Variants in DMTN observed in about 807,000 individuals in gnomAD.
The protein encoded by DMTN is dematin actin binding protein, also known as dematin.
In DMTN, 27 loss-of-function variants were observed where a neutral mutation model predicts 59.4. The observed-to-expected ratio is 0.45, with a 90% confidence interval of 0.33 to 0.63. The LOEUF (loss-of-function observed/expected upper bound fraction) is 0.63, where lower values mean the gene tolerates loss of function less well. Ranked by LOEUF, DMTN falls within the 20% of genes least tolerant of loss-of-function variation. The pLI is 0.02. For missense variants in DMTN, 451 were observed against 528.9 expected, an observed-to-expected ratio of 0.85 and a Z score of 1.45; for synonymous variants, 221 against 203.7, an observed-to-expected ratio of 1.08 and a Z score of -0.72.
intron 8 of DMTN, 147 bp downstream of exon 8, chr8:22,070,481 C>T: frequency 1.0e-6 from 1 of 990,854 alleles, no homozygotes; most frequent in South Asian, 2.3e-5. Flanking sequence ...AGCCCCCAGG[C>T]TCCTTGCTCA....
upstream of DMTN, among the ~76,000 whole-genome samples, chr8:22,051,106 G>A (rs1215120101): frequency 6.6e-6 from 1 of 152,166 alleles, no homozygotes. Flanking sequence ...GCAGGTGTGA[G>A]CATGGAGTAG....
At chr8:22,052,092 C>T (rs1460369016), upstream of DMTN, among the ~76,000 whole-genome samples, 1 of 152,254 alleles carries the variant, frequency 6.6e-6, no homozygotes, top group Non-Finnish European at 1.5e-5. Context: ...ACCGCAGGCT[C>T]CTCCTCTGCT....
At chr8:22,061,045 G>A (rs1805948799) in intron 1 of DMTN, among the ~76,000 whole-genome samples, 1 of 151,936 alleles carries the variant, frequency 6.6e-6, no homozygotes, top group Admixed American at 6.6e-5. Context: ...GCAGAGGTGG[G>A]AGGATCACTT....
chr8:22,070,514 C>T (rs958535148), intron 8 of DMTN, 180 bp downstream of exon 8: 5 of 660,666 alleles, frequency 7.6e-6, no homozygotes, highest in African/African-American at 1.9e-5. Flanking sequence ...GTTCCCATAG[C>T]GCTTGGTGTA....
intron 1 of DMTN, among the ~76,000 whole-genome samples, chr8:22,064,034 A>G (rs544746223): frequency 3.3e-5 from 5 of 152,362 alleles, no homozygotes. Flanking sequence ...AGATGGATGT[A>G]TGGATTCAGG....
upstream of DMTN, chr8:22,049,356 A>G (rs1285750048): frequency 7.5e-6 from 1 of 133,500 alleles, no homozygotes; most frequent in Non-Finnish European, 1.6e-5. Flanking sequence ...TCTCAATTAG[A>G]GGCAGCGGCC....
At chr8:22,081,328 C>G (rs763519619) in intron 15 of DMTN, 22 bp from the exon 16 acceptor site, 6 of 1,610,140 alleles carry the variant, frequency 3.7e-6, no homozygotes, top group Non-Finnish European at 5.1e-6. Context: ...CCATGCTGAG[C>G]TGCCCCGATT....
intron 6 of DMTN, 125 bp downstream of exon 6, chr8:22,069,643 G>C: frequency 1.1e-6 from 1 of 936,574 alleles, no homozygotes; most frequent in East Asian, 2.6e-5. Context: ...TAGGCCCCAG[G>C]AGGCCAGGAC....
chr8:22,077,040 G>A (rs1485108866), intron 10 of DMTN, among the ~76,000 whole-genome samples: 1 of 94,092 alleles, frequency 1.1e-5, no homozygotes, highest in Non-Finnish European at 2.4e-5. Context: ...TGTGTGGGCT[G>A]TATGTCCACA....
chr8:22,051,718 C>T (rs1265095667), upstream of DMTN, among the ~76,000 whole-genome samples: 1 of 152,164 alleles, frequency 6.6e-6, no homozygotes, highest in Admixed American at 6.5e-5. Flanking sequence ...TCTGCCAAAC[C>T]CTGGGGCTCT....
At position 22,069,482 on chromosome 8, in the gene DMTN, A is replaced by AC; in HGVS notation, c.364dup (p.Arg122ProfsTer11). 1 of 1,610,620 alleles carries AC rather than the reference A, an allele frequency of 6.2e-7. No individual in the cohort carries two copies. ...GGCCTCGGCCCCCAGAACCACTGGA[A>AC]CCCCCCGGACCAGCCTGCCCCATTT... On this transcript the variant is annotated frameshift_variant, in exon 6 of 16. Coordinates refer to ENST00000358242, the MANE Select transcript of DMTN (RefSeq NM_001387751.1). LOFTEE classifies it high-confidence loss of function.
chr8:22,075,704 A>T (rs1375944539), intron 10 of DMTN, among the ~76,000 whole-genome samples: 1 of 151,970 alleles, frequency 6.6e-6, no homozygotes, highest in Non-Finnish European at 1.5e-5. Context: ...TTTTTATTAG[A>T]GACGGGGTTT....
rs1341369189 is a variant in DMTN, at chr8:22,082,052, C to A, written c.*589C>A. Reference sequence around the variant, plus strand: ...AGCTTCCAAGCCTTTTGCTCCAGCCCTGCGGCTTCCCCAGAAGCCTGGGCT... The same window carrying A: ...AGCTTCCAAGCCTTTTGCTCCAGCCATGCGGCTTCCCCAGAAGCCTGGGCT... On this transcript the variant is annotated 3_prime_UTR_variant, in exon 16 of 16. Coordinates refer to ENST00000358242, the MANE Select transcript of DMTN (RefSeq NM_001387751.1). 4.4e-6 allele frequency: 2 copies of A among 456,762 alleles called. No individual in the cohort carries two copies. The highest frequency in any genetic ancestry group is 2.3e-5 in the Admixed American group (1 of 42,564). 28.3% of individuals were successfully genotyped at this position (456,762 alleles called of 1,614,324 possible). A position where few individuals can be genotyped will look rare whatever the true frequency, so the allele number is the denominator to read the frequency against.
rs569226372 is a variant in DMTN, at chr8:22,079,793, C to T, written c.836-387C>T. ...AATTTTTTTTTTTTAGATTTGATTA[C>T]TAACATTGTTAATAAAATTATAATA... On this transcript the variant is annotated intron_variant, in intron 10 of 15. Transcript: ENST00000358242. Among the ~76,000 whole-genome samples, 8 of 151,982 alleles carry T rather than the reference C, an allele frequency of 5.3e-5. No homozygotes were observed. The South Asian group carries it at 1.7e-3, about 32-fold the overall frequency.
At chr8:22,079,303 A>ATATATATATATATATATAG (rs67715172) in intron 10 of DMTN, among the ~76,000 whole-genome samples, 1,280 of 51,582 alleles carry the variant, frequency 0.025, 227 homozygotes, top group Non-Finnish European at 0.031. Context: ...TATATATATT[A>ATATATATATATATATATAG]GCTGGGTTTG....
upstream of DMTN, among the ~76,000 whole-genome samples, chr8:22,050,171 C>G (rs563435020): frequency 1.3e-5 from 2 of 152,110 alleles, no homozygotes; most frequent in Non-Finnish European, 1.5e-5. Context: ...GGATGTGTGT[C>G]GGGAGGGTGG....
upstream of DMTN, among the ~76,000 whole-genome samples, chr8:22,050,714 C>T (rs1801262834): frequency 2.0e-5 from 3 of 152,310 alleles, no homozygotes; most frequent in Non-Finnish European, 2.9e-5. Flanking sequence ...CCTCATCCCA[C>T]CCCATCCCCG....
chr8:22,066,854 C>A lies in DMTN; in HGVS notation c.-22C>A. ...CGCGCACAGGGCTCTGCGAGTGACCCGGCGGGCGAGCTCCGTGCTGCATGG... is the reference window on the plus strand; with the variant it reads ...CGCGCACAGGGCTCTGCGAGTGACCAGGCGGGCGAGCTCCGTGCTGCATGG... On this transcript the variant is annotated 5_prime_UTR_variant, in exon 2 of 16. Coordinates refer to ENST00000358242, the MANE Select transcript of DMTN (RefSeq NM_001387751.1). 1 of 1,412,668 alleles carries A rather than the reference C, an allele frequency of 7.1e-7. No homozygotes were observed. The highest frequency in any genetic ancestry group is 2.6e-4 in the Middle Eastern group (1 of 3,874). 87.5% of individuals were successfully genotyped at this position (1,412,668 alleles called of 1,614,324 possible).
chr8:22,068,160 G>A (rs1022412182), intron 4 of DMTN, among the ~76,000 whole-genome samples: 1 of 152,124 alleles, frequency 6.6e-6, no homozygotes, highest in African/African-American at 2.4e-5. Context: ...CAGTGACAGG[G>A]GGCTAGATCA....
Sources: allele counts gnomAD v4.1 joint callset (sites outside exome capture counted in the v4.1 genomes callset), GRCh38; gene constraint gnomAD v4.1.1; transcripts MANE v1.5; gene names NCBI Gene and HGNC (gene_info 2026-07-23, HGNC 2026-07-21).